The following PRKCE variants were observed in gnomAD, a reference collection of about 807,000 sequenced individuals.
PRKCE encodes protein kinase C epsilon, also known as protein kinase C epsilon type.
Under a neutral mutation model 85.4 loss-of-function variants are expected in PRKCE, and 16 were observed. The ratio of observed to expected loss-of-function variants is 0.19; its 90% confidence interval spans 0.13 to 0.28. The LOEUF is 0.28. Ranked by LOEUF, PRKCE falls within the 10% of genes least tolerant of loss-of-function variation. The pLI is 1.00. For synonymous variants in PRKCE, 388 were observed against 371.5 expected (o/e 1.04, Z -0.51); for missense variants, 573 against 975.2 (o/e 0.59, Z 5.49).
intron 1 of PRKCE, among the ~76,000 whole-genome samples, chr2:45,660,509 G>C (rs1675587933): frequency 6.6e-6 from 1 of 152,178 alleles, no homozygotes; most frequent in African/African-American, 2.4e-5. Context: ...GAGTTTAAAT[G>C]AAGTTCAAAT....
chr2:45,759,801 G>T (rs1470462660), intron 1 of PRKCE, among the ~76,000 whole-genome samples: 1 of 152,166 alleles, frequency 6.6e-6, no homozygotes, highest in Non-Finnish European at 1.5e-5. Flanking sequence ...TAGGAGTCCG[G>T]CATTCAGAGA....
chr2:45,774,177 G>A lies in PRKCE; in HGVS notation c.349-68823G>A, dbSNP rs753623092. Among the ~76,000 whole-genome samples, 3 of 152,148 alleles carry A rather than the reference G, an allele frequency of 2.0e-5. No homozygotes were observed. The highest frequency in any genetic ancestry group is 2.9e-5 in the Non-Finnish European group (2 of 68,014). ...TCCTGGGAGTTCCAGGGCTGGGCTT[G>A]GCTGGGACATGTTGGGCTGACCACC... On this transcript the variant is annotated intron_variant, in intron 1 of 14. Coordinates refer to ENST00000306156, the MANE Select transcript of PRKCE (RefSeq NM_005400.3). The surrounding 1 kb of genome is among the most constrained non-coding windows in gnomAD (Gnocchi z 4.3).
chr2:46,128,535 G>A (rs1425118970), intron 11 of PRKCE, among the ~76,000 whole-genome samples: 1 of 152,222 alleles, frequency 6.6e-6, no homozygotes, highest in Non-Finnish European at 1.5e-5. Flanking sequence ...TACTAAATCA[G>A]AGTAATCTTC....
intron 12 of PRKCE, among the ~76,000 whole-genome samples, chr2:46,146,316 A>G (rs1676067061): frequency 6.6e-6 from 1 of 152,398 alleles, no homozygotes; most frequent in Middle Eastern, 3.4e-3. Context: ...GATAGGTATT[A>G]GCACATTCAG....
At chr2:46,031,869 C>A (rs1707546918) in intron 10 of PRKCE, among the ~76,000 whole-genome samples, 1 of 152,190 alleles carries the variant, frequency 6.6e-6, no homozygotes, top group South Asian at 2.1e-4. Flanking sequence ...CAACTGGTCG[C>A]AATTTGCATG....
In PRKCE at chr2:45,843,026, G is replaced by T. The variant is rs552672060; in HGVS notation, c.375G>T (p.Val125=). The T allele has an allele frequency of 6.2e-7, 1 of 1,614,202 alleles. No homozygotes were observed. Among genetic ancestry groups the T allele is most frequent in the East Asian group, 2.2e-5 (1 of 44,888 alleles). ...TTGATCTGGAGCCAGAAGGAAGAGT[G>T]TATGTGATCATCGATCTCTCAGGGT... ...DWIDLEPEGR[V]YVIIDLSGSS... Residue 125 remains valine, a synonymous_variant, in exon 2 of 15, where the codon GTG becomes GTT. Coordinates refer to ENST00000306156, the MANE Select transcript of PRKCE (RefSeq NM_005400.3).
chr2:45,754,790 A>C (rs1328847298), intron 1 of PRKCE, among the ~76,000 whole-genome samples: 1 of 152,180 alleles, frequency 6.6e-6, no homozygotes, highest in Admixed American at 6.5e-5. Context: ...TTGGAAGGCA[A>C]AGCTGTCCTG....
chr2:45,783,753 T>G (rs904325554), intron 1 of PRKCE, among the ~76,000 whole-genome samples: 1 of 152,192 alleles, frequency 6.6e-6, no homozygotes, highest in Non-Finnish European at 1.5e-5. Context: ...TCTCTGGGTG[T>G]GGCTCACGAG....
chr2:46,133,000 G>A lies in PRKCE; in HGVS notation c.1593-12093G>A, dbSNP rs1674612506. Among the ~76,000 whole-genome samples, 4 of 152,122 alleles carry A rather than the reference G, an allele frequency of 2.6e-5. No homozygotes were observed. The South Asian group carries it at 8.3e-4, about 32-fold the overall frequency. ...TTGTGTTTCCTCAGCTCTTTATCTG[G>A]GCTGGGGTGACCTAAAAGGGGCTAA... is the stretch of plus-strand genomic sequence containing the variant. On this transcript the variant is annotated intron_variant, in intron 11 of 14. Coordinates refer to ENST00000306156, the MANE Select transcript of PRKCE (RefSeq NM_005400.3).
At chr2:46,050,566 T>A (rs1206050515) in intron 10 of PRKCE, among the ~76,000 whole-genome samples, 1 of 152,222 alleles carries the variant, frequency 6.6e-6, no homozygotes, top group African/African-American at 2.4e-5. Context: ...TTATAAAATA[T>A]TAGCTGTGAC....
chr2:46,019,847 C>CTTTTTTT (rs869079304), intron 10 of PRKCE, among the ~76,000 whole-genome samples: 6 of 105,892 alleles, frequency 5.7e-5, no homozygotes, highest in Admixed American at 1.0e-4. Context: ...TTGGTTTTCT[C>CTTTTTTT]TTTTTTTTTT....
At chr2:45,855,968 T>C (rs1488627774) in intron 2 of PRKCE, among the ~76,000 whole-genome samples, 2 of 151,850 alleles carry the variant, frequency 1.3e-5, no homozygotes, top group Non-Finnish European at 2.9e-5. Flanking sequence ...TGGTTTGAAG[T>C]CTCCGTGTGC....
intron 1 of PRKCE, among the ~76,000 whole-genome samples, chr2:45,749,226 C>T (rs997598524): frequency 6.6e-6 from 1 of 152,166 alleles, no homozygotes; most frequent in African/African-American, 2.4e-5. Flanking sequence ...AACCATCTTC[C>T]CTGATCCACC....
intron 1 of PRKCE, among the ~76,000 whole-genome samples, chr2:45,823,591 G>C (rs1477305854): frequency 2.6e-5 from 4 of 152,248 alleles, no homozygotes; most frequent in Admixed American, 6.5e-5. Context: ...AAAGTCGGGG[G>C]TAGGGAGCAG....
intron 2 of PRKCE, among the ~76,000 whole-genome samples, chr2:45,906,453 C>T (rs1365620403): frequency 1.3e-5 from 2 of 152,232 alleles, no homozygotes; most frequent in Non-Finnish European, 2.9e-5. Context: ...AACGGAACAC[C>T]CACAGTTAAA....
intron 2 of PRKCE, among the ~76,000 whole-genome samples, chr2:45,950,521 G>C (rs1192324762): frequency 6.6e-6 from 1 of 150,786 alleles, no homozygotes; most frequent in African/African-American, 2.5e-5. Flanking sequence ...CAGCACATTT[G>C]CATGAGGAAC....
intron 2 of PRKCE, among the ~76,000 whole-genome samples, chr2:45,885,657 C>T (rs1695242426): frequency 6.6e-6 from 1 of 152,204 alleles, no homozygotes; most frequent in South Asian, 2.1e-4. Flanking sequence ...CTGTTGTTGA[C>T]AACAGATAGG....
At chr2:45,931,751 G>T (rs953893480) in intron 2 of PRKCE, among the ~76,000 whole-genome samples, 4 of 152,110 alleles carry the variant, frequency 2.6e-5, no homozygotes, top group Admixed American at 6.5e-5. Context: ...CTGCCACCCA[G>T]GCTGGAGTGC....
chr2:46,039,815 G>A (rs1181053991), intron 10 of PRKCE, among the ~76,000 whole-genome samples: 2 of 152,140 alleles, frequency 1.3e-5, no homozygotes, highest in African/African-American at 2.4e-5. Flanking sequence ...TTGCTCAGTG[G>A]CTCATATTCT....
Sources: allele counts gnomAD v4.1 joint callset (sites outside exome capture counted in the v4.1 genomes callset), GRCh38; gene constraint gnomAD v4.1.1; non-coding constraint Gnocchi (gnomAD v3.1); transcripts MANE v1.5; gene names NCBI Gene and HGNC (gene_info 2026-07-23, HGNC 2026-07-21).